Variants in RPS6KA2 observed in about 807,000 individuals in gnomAD.
RPS6KA2 encodes ribosomal protein S6 kinase alpha-2.
A neutral mutation model predicts 91.8 loss-of-function variants in RPS6KA2; 42 were observed. That is an observed-to-expected ratio of 0.46 (90% confidence interval 0.36 to 0.59). The LOEUF is 0.59. Among genes scored for constraint, RPS6KA2 ranks in the 20% least tolerant of loss-of-function variants. The pLI is 0.00. For missense variants in RPS6KA2, 798 were observed against 978.5 expected (o/e 0.82, Z 2.46); for synonymous variants, 414 against 393.6 (o/e 1.05, Z -0.61).
At chr6:166,757,276 T>C (rs1486207670) in intron 2 of RPS6KA2, among the ~76,000 whole-genome samples, 1 of 152,110 alleles carries the variant, frequency 6.6e-6, no homozygotes, top group Non-Finnish European at 1.5e-5. Context: ...AACAGAAACA[T>C]TAAGTTTTCT....
At chr6:166,720,719 C>T (rs16899319) in intron 2 of RPS6KA2, among the ~76,000 whole-genome samples, 11,395 of 152,194 alleles carry the variant, frequency 0.075, 763 homozygotes, top group African/African-American at 0.19. Flanking sequence ...GTTTGTGCCT[C>T]GCATTTTACA....
rs1336790584 is a variant in RPS6KA2 at position 166,445,887 on chromosome 6, A to G, written c.1332+2837T>C. ...TGGACATCTGCTGAGCTGAGATCCAACTCACACATCAGATAATCAGCTGCC... is the reference window on the plus strand; with the variant it reads ...TGGACATCTGCTGAGCTGAGATCCAGCTCACACATCAGATAATCAGCTGCC... On this transcript the variant is annotated intron_variant, in intron 14 of 20. Transcript: ENST00000265678. This position sits in a 1 kb window ranked among gnomAD's most constrained non-coding sequence, Gnocchi z 4.5. Among the ~76,000 whole-genome samples, 3 of 152,170 alleles carry G rather than the reference A, an allele frequency of 2.0e-5. No individual in the cohort carries two copies. Among genetic ancestry groups the G allele is most frequent in the Non-Finnish European group, 4.4e-5 (3 of 68,034 alleles).
intron 1 of RPS6KA2, among the ~76,000 whole-genome samples, chr6:166,575,275 C>T (rs1467328846): frequency 1.3e-5 from 2 of 152,200 alleles, no homozygotes; most frequent in Non-Finnish European, 2.9e-5. Context: ...AGAAGCATAA[C>T]ACGAGGCTAT....
intron 20 of RPS6KA2, 48 bp downstream of exon 20, chr6:166,413,746 T>A (rs1421178142): frequency 6.2e-7 from 1 of 1,601,080 alleles, no homozygotes; most frequent in Non-Finnish European, 8.5e-7. Context: ...GGCTCTTTTC[T>A]GGGTTTCCCA....
At chr6:166,537,298 TCTC>T (rs932070124) in intron 2 of RPS6KA2, among the ~76,000 whole-genome samples, 10 of 152,276 alleles carry the variant, frequency 6.6e-5, no homozygotes, top group Non-Finnish European at 1.5e-4. Context: ...AGAAAATTAT[TCTC>T]CTCTCTCTTT....
chr6:166,843,923 C>A (rs1276270786), intron 2 of RPS6KA2, among the ~76,000 whole-genome samples: 18 of 151,936 alleles, frequency 1.2e-4, no homozygotes, highest in Non-Finnish European at 2.4e-4. Context: ...AAAAGGAAAT[C>A]TCTGAATTGC....
chr6:166,723,699 C>CTTTTTTTTTTTTT (rs10637819), intron 2 of RPS6KA2, among the ~76,000 whole-genome samples: 1 of 146,226 alleles, frequency 6.8e-6, no homozygotes, highest in African/African-American at 2.7e-5. Flanking sequence ...TTTTTCTTTT[C>CTTTTTTTTTTTTT]TTTTCTTTTT....
intron 2 of RPS6KA2, among the ~76,000 whole-genome samples, chr6:166,536,697 A>C (rs2128493907): frequency 6.6e-6 from 1 of 152,284 alleles, no homozygotes; most frequent in East Asian, 1.9e-4. Flanking sequence ...CTGGACAGGC[A>C]TTACTGGAGC....
chr6:166,553,211 C>T (rs910951286), intron 1 of RPS6KA2, among the ~76,000 whole-genome samples: 1 of 152,182 alleles, frequency 6.6e-6, no homozygotes, highest in African/African-American at 2.4e-5. Context: ...TTTGACCTCC[C>T]TGGGCTCAAG....
At chr6:166,462,086 A>G (rs1180678627) in intron 11 of RPS6KA2, among the ~76,000 whole-genome samples, 1 of 152,230 alleles carries the variant, frequency 6.6e-6, no homozygotes, top group Non-Finnish European at 1.5e-5. Flanking sequence ...GGTGCCACCC[A>G]GGGTGAAGGT....
At chr6:166,480,521 T>TAAAATATA (rs58223795) in intron 10 of RPS6KA2, among the ~76,000 whole-genome samples, 1 of 111,388 alleles carries the variant, frequency 9.0e-6, no homozygotes, top group Admixed American at 9.1e-5. Flanking sequence ...ATATAATATA[T>TAAAATATA]TTTTTTTTTT....
At chr6:166,731,174 G>A (rs1007505086) in intron 2 of RPS6KA2, among the ~76,000 whole-genome samples, 4 of 152,132 alleles carry the variant, frequency 2.6e-5, no homozygotes, top group African/African-American at 7.2e-5. Context: ...CCCGGGAGGT[G>A]GAGGTTGCGG....
rs1778442415 is a variant in RPS6KA2 at position 166,770,723 on chromosome 6, G to A, written c.123+87477C>T. The stretch of plus-strand genomic sequence containing the variant: ...TGTGGAGTGGTCCAGCCTTCTAAAA[G>A]CTCTTCGCACCTTGCCTTGCTGGAC... On this transcript the variant is annotated intron_variant, in intron 2 of 21. Coordinates refer to the RPS6KA2 transcript ENST00000503859. The surrounding 1 kb of genome is among the most constrained non-coding windows in gnomAD (Gnocchi z 5.1). 2 of 770,550 alleles carry A rather than the reference G, an allele frequency of 2.6e-6. No homozygotes were observed. The highest frequency in any genetic ancestry group is 4.1e-6 in the Non-Finnish European group (2 of 482,478). The allele number at this position is 770,550 out of a possible 1,614,324, so 47.7% of individuals were successfully genotyped here. A position where few individuals can be genotyped will look rare whatever the true frequency, so the allele number is the denominator to read the frequency against.
Position 166,430,572 on chromosome 6 carries a change from G to A in RPS6KA2, c.1462C>T (p.Leu488=), listed in dbSNP as rs1386380506. 1.2e-6 allele frequency: 2 copies of A among 1,613,880 alleles called. No individual in the cohort carries two copies. Among genetic ancestry groups the A allele is most frequent in the Non-Finnish European group, 1.7e-6 (2 of 1,179,968 alleles). The change falls in exon 16 of 21, where the codon CTG becomes TTG. Residue 488 remains leucine (L), a synonymous_variant. Transcript: ENST00000265678. ...TCCAGGAGCTCCCCACCACGCATCA[G>A]CTCCATTACCAGGTACACAAACTTG... is the stretch of plus-strand genomic sequence containing the variant. The part of the protein sequence containing the change: ...DGKFVYLVME[L]MRGGELLDRI...
chr6:166,590,658 A>G (rs960347225), intron 1 of RPS6KA2, among the ~76,000 whole-genome samples: 1 of 152,204 alleles, frequency 6.6e-6, no homozygotes, highest in Non-Finnish European at 1.5e-5. Context: ...AAGCACGTCT[A>G]TGTTAATGGG....
At chr6:166,778,033 A>G (rs1778671896) in intron 2 of RPS6KA2, among the ~76,000 whole-genome samples, 1 of 152,254 alleles carries the variant, frequency 6.6e-6, no homozygotes, top group African/African-American at 2.4e-5. Context: ...ATCATAATCC[A>G]AAAAGGACGA....
intron 12 of RPS6KA2, among the ~76,000 whole-genome samples, chr6:166,458,822 A>C (rs1361555454): frequency 6.6e-6 from 1 of 152,228 alleles, no homozygotes; most frequent in African/African-American, 2.4e-5. Flanking sequence ...GTATTTTGTT[A>C]TGATAGCCCT....
intron 2 of RPS6KA2, among the ~76,000 whole-genome samples, chr6:166,760,127 C>T (rs138670359): frequency 6.6e-6 from 1 of 152,198 alleles, no homozygotes; most frequent in Non-Finnish European, 1.5e-5. Flanking sequence ...TTTTGGCTAT[C>T]TGTAACCTAT....
intron 3 of RPS6KA2, among the ~76,000 whole-genome samples, chr6:166,516,429 G>C (rs921817841): frequency 5.9e-5 from 9 of 152,224 alleles, no homozygotes; most frequent in Non-Finnish European, 7.3e-5. Context: ...AGCCAGGGGT[G>C]GGGGAGGCAG....
Sources: gnomAD v4.1 joint callset for allele counts (sites outside exome capture counted in the v4.1 genomes callset) on GRCh38, gnomAD v4.1.1 for gene constraint, Gnocchi (gnomAD v3.1) non-coding constraint, MANE v1.5 for transcripts, NCBI Gene and HGNC (gene_info 2026-07-23, HGNC 2026-07-21) for gene names.